The following USP34 variants were observed in gnomAD, a reference collection of about 807,000 sequenced individuals.
USP34 encodes the protein ubiquitin specific peptidase 34.
In USP34, 70 loss-of-function variants were observed where a neutral mutation model predicts 460.3. That is an observed-to-expected ratio of 0.15 (90% CI 0.13 to 0.19). USP34 has a LOEUF of 0.19. USP34 is among the 10% of genes least tolerant of loss of function. The pLI is 1.00. For missense variants in USP34, 3,985 were observed against 4,236.2 expected, an observed-to-expected ratio of 0.94 and a Z score of 1.65; for synonymous variants, 1,647 against 1,405.3, an observed-to-expected ratio of 1.17 and a Z score of -3.85.
chr2:61,316,039 TAAAAAA>T (rs539035606), intron 23 of USP34, among the ~76,000 whole-genome samples: 8 of 126,562 alleles, frequency 6.3e-5, no homozygotes, highest in East Asian at 2.3e-4. Context: ...GTCTCTACTT[TAAAAAA>T]AAAAAAAAAA....
intron 10 of USP34, among the ~76,000 whole-genome samples, chr2:61,355,126 A>C (rs1325985803): frequency 1.3e-5 from 2 of 152,212 alleles, no homozygotes; most frequent in East Asian, 3.8e-4. Flanking sequence ...TAATTGTTGG[A>C]ATGAACCCTT....
At chr2:61,367,270 A>T (rs1692469167) in intron 10 of USP34, among the ~76,000 whole-genome samples, 1 of 152,226 alleles carries the variant, frequency 6.6e-6, no homozygotes, top group Non-Finnish European at 1.5e-5. Flanking sequence ...CTGTCTTATA[A>T]GGCAATAATT....
intron 37 of USP34, 137 bp from the exon 38 acceptor site, chr2:61,281,379 A>G: frequency 9.0e-7 from 1 of 1,107,680 alleles, no homozygotes; most frequent in African/African-American, 1.6e-5. Flanking sequence ...TTGGAGGCCC[A>G]GGCAGGAGGA....
intron 13 of USP34, among the ~76,000 whole-genome samples, 179 bp downstream of exon 13, chr2:61,349,071 A>G (rs1691860011): frequency 6.6e-6 from 1 of 152,264 alleles, no homozygotes; most frequent in Admixed American, 6.5e-5. Flanking sequence ...TTCAATTAAA[A>G]GTCAAGATGT....
chr2:61,263,378 A>C (rs1182802083), intron 43 of USP34, among the ~76,000 whole-genome samples: 1 of 151,122 alleles, frequency 6.6e-6, no homozygotes, highest in Admixed American at 6.6e-5. Context: ...ACATGGCTTC[A>C]CTATGTTGGC....
intron 10 of USP34, among the ~76,000 whole-genome samples, chr2:61,367,716 T>C (rs902882892): frequency 2.6e-5 from 4 of 151,996 alleles, no homozygotes; most frequent in African/African-American, 9.7e-5. Flanking sequence ...AAAAAACAAA[T>C]TCCTTAGATT....
intron 1 of USP34, among the ~76,000 whole-genome samples, chr2:61,458,548 T>G (rs1573065138): frequency 2.0e-4 from 19 of 95,472 alleles, no homozygotes; most frequent in African/African-American, 2.3e-4. Flanking sequence ...GCAACAAGAG[T>G]GAAACTGTCT....
intron 20 of USP34, among the ~76,000 whole-genome samples, chr2:61,326,557 G>C (rs1363652343): frequency 6.6e-6 from 1 of 151,898 alleles, no homozygotes. Flanking sequence ...CCTTTCCTTT[G>C]GCAACCCCAG....
chr2:61,313,299 T>C (rs1381218363), intron 25 of USP34, among the ~76,000 whole-genome samples: 1 of 152,124 alleles, frequency 6.6e-6, no homozygotes, highest in Non-Finnish European at 1.5e-5. Context: ...CTTAAATTCA[T>C]TAAATTTATA....
At chr2:61,392,036 T>C (rs968657346) in intron 5 of USP34, among the ~76,000 whole-genome samples, 3 of 152,242 alleles carry the variant, frequency 2.0e-5, no homozygotes, top group Middle Eastern at 3.4e-3. Flanking sequence ...ACTATGCAGA[T>C]TGACAACAGC....
At chr2:61,307,556 T>C (rs1433082573) in intron 27 of USP34, among the ~76,000 whole-genome samples, 2 of 151,046 alleles carry the variant, frequency 1.3e-5, no homozygotes, top group East Asian at 3.9e-4. Flanking sequence ...TGGATGTTAA[T>C]TAAAAAAAAA....
chr2:61,291,653 A>C (rs1011652872), intron 33 of USP34, among the ~76,000 whole-genome samples: 13 of 152,226 alleles, frequency 8.5e-5, no homozygotes, highest in African/African-American at 3.1e-4. Context: ...CAACAGACAC[A>C]TGAAAAGCTG....
chr2:61,190,570 G>T lies in USP34; in HGVS notation c.9677C>A (p.Thr3226Asn). 1.2e-6 allele frequency: 2 copies of T among 1,614,056 alleles called. No individual in the cohort carries two copies. The highest frequency in any genetic ancestry group is 1.7e-6 in the Non-Finnish European group (2 of 1,179,984). The change falls in exon 77 of 80, where the codon ACT (threonine) becomes AAT (asparagine). Residue 3226 changes from threonine to asparagine, a missense_variant. This residue lies in a region of USP34 where 506 missense variants were observed against 439.0 expected (regional missense o/e 1.15). Coordinates refer to ENST00000398571, the MANE Select transcript of USP34 (RefSeq NM_014709.4). ...YIKCILMDER[T>N]FLNNNIVYTF... is the part of the protein sequence containing the mutation. ...GTAGACAATGTTGTTGTTTAAAAAA[G>T]TTCTTTCATCCATTAGGATACATTT...
intron 10 of USP34, among the ~76,000 whole-genome samples, chr2:61,360,863 C>G (rs1472640136): frequency 6.6e-6 from 1 of 152,174 alleles, no homozygotes; most frequent in East Asian, 1.9e-4. Context: ...CAGCATGTTG[C>G]TCAGGCTAGT....
At chr2:61,435,943 G>A (rs371934361) in intron 1 of USP34, among the ~76,000 whole-genome samples, 13 of 152,038 alleles carry the variant, frequency 8.6e-5, no homozygotes, top group African/African-American at 1.4e-4. Flanking sequence ...CAGGAGAATC[G>A]CTTGAACCTG....
At chr2:61,288,950 A>G in intron 33 of USP34, 73 bp from the exon 34 acceptor site, 1 of 1,451,530 alleles carries the variant, frequency 6.9e-7, no homozygotes, top group Non-Finnish European at 9.4e-7. Context: ...TTTTGAAATT[A>G]AAAGACCAGA....
chr2:61,221,437 G>T, intron 66 of USP34, 65 bp downstream of exon 66: 4 of 1,405,150 alleles, frequency 2.8e-6, no homozygotes, highest in South Asian at 1.3e-5. Flanking sequence ...AAATGGTAGT[G>T]ACTATATTAT....
At chr2:61,356,472 A>AGCGC (rs147443977) in intron 10 of USP34, among the ~76,000 whole-genome samples, 11,015 of 145,030 alleles carry the variant, frequency 0.076, 497 homozygotes, top group Admixed American at 0.11. Flanking sequence ...CCTGGGTGAA[A>AGCGC]GCGCACACAC....
At chr2:61,425,712 T>C (rs986285526) in intron 1 of USP34, among the ~76,000 whole-genome samples, 1 of 152,024 alleles carries the variant, frequency 6.6e-6, no homozygotes, top group Non-Finnish European at 1.5e-5. Context: ...CGATTCTTAG[T>C]AATGAATGAA....
Sources: allele counts gnomAD v4.1 joint callset (sites outside exome capture counted in the v4.1 genomes callset), GRCh38; gene constraint gnomAD v4.1.1; regional missense constraint gnomAD v4.1.1; transcripts MANE v1.5; gene names NCBI Gene and HGNC (gene_info 2026-07-23, HGNC 2026-07-21).